DNM3: variants seen among roughly 807,000 people sequenced by gnomAD.
DNM3 encodes the protein dynamin 3.
Under a neutral mutation model 101.6 loss-of-function variants are expected in DNM3, and 47 were observed. That is an observed-to-expected ratio of 0.46 (90% CI 0.37 to 0.59). DNM3 has a LOEUF of 0.59. Ranked by LOEUF, DNM3 falls within the 20% of genes least tolerant of loss-of-function variation. The pLI, the probability that DNM3 is intolerant of heterozygous loss-of-function variation, is 0.00. For missense variants in DNM3, 849 were observed against 1,085.7 expected (o/e 0.78, Z 3.06); for synonymous variants, 385 against 387.9 (o/e 0.99, Z 0.09).
intron 20 of DNM3, chr1:172,394,459 G>A (rs1287658739): frequency 6.6e-6 from 1 of 152,226 alleles, no homozygotes; most frequent in Non-Finnish European, 1.5e-5. Context: ...TCTACATAAG[G>A]CAAAGTACAA....
chr1:172,102,154 G>A (rs747930215), intron 13 of DNM3, among the ~76,000 whole-genome samples: 2 of 151,956 alleles, frequency 1.3e-5, no homozygotes, highest in African/African-American at 2.4e-5. Context: ...CACCACGCCC[G>A]GCCACTTAAA....
chr1:172,131,540 G>A lies in DNM3; in HGVS notation c.1659+252G>A, dbSNP rs1202719589. Among the ~76,000 whole-genome samples, 3 of 152,070 alleles carry A rather than the reference G, an allele frequency of 2.0e-5. 1 individual carries two copies. Among genetic ancestry groups the A allele is most frequent in the South Asian group, 4.2e-4 (2 of 4,814 alleles). ...TGTTTGCTTACCTGAAGAAATGGAG[G>A]TAGGCATCAAAGTTGAAAACCTCCT... is the stretch of plus-strand genomic sequence containing the variant. On this transcript the variant is annotated intron_variant, in intron 14 of 20. Coordinates refer to ENST00000627582, the MANE Select transcript of DNM3 (RefSeq NM_015569.5).
At chr1:172,027,829 G>T (rs958527032) in intron 4 of DNM3, among the ~76,000 whole-genome samples, 1 of 151,940 alleles carries the variant, frequency 6.6e-6, no homozygotes, top group Non-Finnish European at 1.5e-5. Flanking sequence ...ACAAAGAAGG[G>T]CATTACATAA....
intron 14 of DNM3, among the ~76,000 whole-genome samples, chr1:172,153,456 C>T (rs535039407): frequency 6.6e-6 from 1 of 152,216 alleles, no homozygotes; most frequent in East Asian, 1.9e-4. Context: ...GTTAATTTCC[C>T]ATACTTCAAT....
At chr1:172,050,271 C>G (rs2050114893) in intron 10 of DNM3, among the ~76,000 whole-genome samples, 1 of 152,150 alleles carries the variant, frequency 6.6e-6, no homozygotes, top group African/African-American at 2.4e-5. Context: ...TCAAGATTAA[C>G]TGATACTGAG....
At chr1:171,941,569 G>T (rs2041819088) in intron 2 of DNM3, among the ~76,000 whole-genome samples, 1 of 152,168 alleles carries the variant, frequency 6.6e-6, no homozygotes. Flanking sequence ...CCCACTTCTG[G>T]ACTGAGATGT....
At chr1:172,213,283 G>A (rs544343672) in intron 14 of DNM3, among the ~76,000 whole-genome samples, 91 of 151,982 alleles carry the variant, frequency 6.0e-4, no homozygotes, top group Non-Finnish European at 9.9e-4. Flanking sequence ...TCCTCTATAC[G>A]TGCTTCAGAA....
intron 14 of DNM3, among the ~76,000 whole-genome samples, chr1:172,162,320 G>C (rs140416802): frequency 1.4e-3 from 208 of 152,056 alleles, no homozygotes; most frequent in African/African-American, 4.9e-3. Context: ...CTTAGAGAAT[G>C]CATGATTTAT....
At chr1:172,058,429 G>T in intron 10 of DNM3, among the ~76,000 whole-genome samples, 1 of 150,356 alleles carries the variant, frequency 6.7e-6, no homozygotes, top group Non-Finnish European at 1.5e-5. Context: ...TTCCAAAATT[G>T]ACCACATAGT....
At chr1:172,081,522 T>A (rs1187272293) in intron 11 of DNM3, among the ~76,000 whole-genome samples, 2 of 152,198 alleles carry the variant, frequency 1.3e-5, no homozygotes, top group Non-Finnish European at 2.9e-5. Context: ...TTGAACAGTA[T>A]GCCTACATTT....
At chr1:172,378,892 T>C (rs1407871001) in intron 17 of DNM3, 126 bp from the exon 18 acceptor site, 1 of 1,081,720 alleles carries the variant, frequency 9.2e-7, no homozygotes, top group East Asian at 2.8e-5. Flanking sequence ...AAGATAAAAA[T>C]GTTACCATCT....
chr1:172,158,387 G>T (rs2058422100), intron 14 of DNM3, among the ~76,000 whole-genome samples: 1 of 151,966 alleles, frequency 6.6e-6, no homozygotes, highest in South Asian at 2.1e-4. Flanking sequence ...AAAACAGAGA[G>T]ACCATGAAGA....
At chr1:171,968,858 A>C (rs1352457267) in intron 2 of DNM3, among the ~76,000 whole-genome samples, 1 of 152,212 alleles carries the variant, frequency 6.6e-6, no homozygotes, top group Non-Finnish European at 1.5e-5. Context: ...TGCTATATAA[A>C]GGTGCATTTC....
At chr1:172,135,259 G>C (rs918972163) in intron 14 of DNM3, among the ~76,000 whole-genome samples, 5 of 152,200 alleles carry the variant, frequency 3.3e-5, no homozygotes, top group South Asian at 2.1e-4. Flanking sequence ...TTTGTTCCCT[G>C]TCCTACCACC....
rs138705577 is a variant in DNM3 at position 172,003,224 on chromosome 1, G to A, written c.589+14076G>A. ...ATGACTTTAGTGTTACAGAATAATTGTGCTCTTATGTCTTTCTTATTTCAA... is the reference window on the plus strand; with the variant it reads ...ATGACTTTAGTGTTACAGAATAATTATGCTCTTATGTCTTTCTTATTTCAA... On this transcript the variant is annotated intron_variant, in intron 4 of 20. Coordinates refer to ENST00000627582, the MANE Select transcript of DNM3 (RefSeq NM_015569.5). Among the ~76,000 whole-genome samples, 525 of 151,844 alleles carry A rather than the reference G, an allele frequency of 3.5e-3. 4 individuals carry two copies. The highest frequency in any genetic ancestry group is 0.011 in the African/African-American group (473 of 41,424).
chr1:172,028,533 C>A (rs985389345), intron 4 of DNM3, among the ~76,000 whole-genome samples: 2 of 152,016 alleles, frequency 1.3e-5, no homozygotes, highest in South Asian at 2.1e-4. Flanking sequence ...CAAACAAATT[C>A]AAAAACTAGC....
chr1:171,878,283 A>G (rs985933475), intron 1 of DNM3, among the ~76,000 whole-genome samples: 3 of 152,092 alleles, frequency 2.0e-5, no homozygotes, highest in Non-Finnish European at 2.9e-5. Flanking sequence ...TTCCTTGGGG[A>G]TAGGGACCTT....
At position 171,962,897 on chromosome 1, in the gene DNM3, A is replaced by C. The variant is rs72713736; in HGVS notation, c.236-24759A>C. Among the ~76,000 whole-genome samples, 436 of 152,304 alleles carry C rather than the reference A, an allele frequency of 2.9e-3. 1 individual carries two copies. Among genetic ancestry groups the C allele is most frequent in the Non-Finnish European group, 5.3e-3 (359 of 68,026 alleles). ...AAAACTAACAGTACTAAATGCTAGC[A>C]AGGATGTGGAGCAGCAGGAATTCTC... On this transcript the variant is annotated intron_variant, in intron 2 of 20. Transcript: ENST00000627582.
At chr1:172,253,155 C>T (rs1054536846) in intron 14 of DNM3, among the ~76,000 whole-genome samples, 5 of 152,042 alleles carry the variant, frequency 3.3e-5, no homozygotes, top group Admixed American at 6.6e-5. Flanking sequence ...AGGACCAGAA[C>T]ATTTTTGTTA....
Sources: allele counts gnomAD v4.1 joint callset (sites outside exome capture counted in the v4.1 genomes callset), GRCh38; gene constraint gnomAD v4.1.1; transcripts MANE v1.5; gene names NCBI Gene and HGNC (gene_info 2026-07-23, HGNC 2026-07-21).